Variants in SPAG1 observed in about 807,000 individuals in gnomAD.
SPAG1 encodes sperm-associated antigen 1.
Under a neutral mutation model 100.5 loss-of-function variants are expected in SPAG1, and 69 were observed. That is an observed-to-expected ratio of 0.69 (90% CI 0.57 to 0.84). The LOEUF (loss-of-function observed/expected upper bound fraction) is 0.84. SPAG1 is among the 40% of genes least tolerant of loss of function. The probability of loss-of-function intolerance (pLI) is 0.00; values close to 1 mark genes in which losing one functional copy is unlikely to be tolerated. For missense variants in SPAG1, 955 were observed against 1,133.1 expected (o/e 0.84, Z 2.26); for synonymous variants, 336 against 411.6 (o/e 0.82, Z 2.22).
At chr8:100,168,559 AT>A (rs552968507) in intron 3 of SPAG1, among the ~76,000 whole-genome samples, 2,777 of 136,658 alleles carry the variant, frequency 0.02, 66 homozygotes, top group East Asian at 0.1. Flanking sequence ...ACACCTGGCT[AT>A]TTTTTTTTTT....
At position 100,213,013 on chromosome 8, in the gene SPAG1, C is replaced by CCCGTGGCCT. The variant is rs1554658872; in HGVS notation, c.1097-74_1097-73insTGGCCTCCG. ...GAGCCCGCCCTCCGCGTCCTGCACC[C>CCCGTGGCCT]CCGCGGCCTCCGCGGCCTCCGCGGC... is the stretch of plus-strand genomic sequence containing the variant. On this transcript the variant is annotated intron_variant, in intron 10 of 18. Coordinates refer to ENST00000388798, the MANE Select transcript of SPAG1 (RefSeq NM_003114.5). The CCCGTGGCCT allele has an allele frequency of 4.7e-6, 5 of 1,056,070 alleles. No individual in the cohort carries two copies. The African/African-American group carries it at 6.9e-5, about 15-fold the overall frequency. 65.4% of individuals were successfully genotyped at this position (1,056,070 alleles called of 1,614,324 possible).
At chr8:100,235,039 T>A (rs527980119) in intron 16 of SPAG1, among the ~76,000 whole-genome samples, 3 of 152,188 alleles carry the variant, frequency 2.0e-5, no homozygotes, top group African/African-American at 4.8e-5. Context: ...GTGGCTGCTA[T>A]AACAAAGCGC....
intron 15 of SPAG1, among the ~76,000 whole-genome samples, chr8:100,232,215 C>A (rs896468069): frequency 6.6e-6 from 1 of 152,120 alleles, no homozygotes; most frequent in Admixed American, 6.5e-5. Flanking sequence ...ATTGGTCACT[C>A]AGTTTTCTGT....
intron 3 of SPAG1, among the ~76,000 whole-genome samples, chr8:100,174,664 A>G (rs1421978914): frequency 6.6e-6 from 1 of 152,204 alleles, no homozygotes; most frequent in South Asian, 2.1e-4. Context: ...GTGTAATCGG[A>G]GCCCTTCTGC....
rs1302900270 is a variant in SPAG1, at chr8:100,239,428, A to G, written c.2280+24A>G. Reference sequence around the variant, plus strand: ...AGGTATTTGTATTTGATTATCTTTGAAAGTACTCCTTTGGGGACCTTAGAC... The same window carrying G: ...AGGTATTTGTATTTGATTATCTTTGGAAGTACTCCTTTGGGGACCTTAGAC... On this transcript the variant is annotated intron_variant, in intron 17 of 18. Coordinates refer to ENST00000388798, the MANE Select transcript of SPAG1 (RefSeq NM_003114.5). This position sits in a 1 kb window ranked among gnomAD's most constrained non-coding sequence, Gnocchi z 5.0. 1 of 1,454,894 alleles carries G rather than the reference A, an allele frequency of 6.9e-7. No homozygotes were observed. 90.1% of individuals were successfully genotyped at this position (1,454,894 alleles called of 1,614,324 possible).
At chr8:100,212,938 CGGCAGCACAGG>C (rs1817778731) in intron 10 of SPAG1, 141 bp from the exon 11 acceptor site, 1 of 559,246 alleles carries the variant, frequency 1.8e-6, no homozygotes, top group African/African-American at 2.0e-5. Flanking sequence ...TCTAGAGGTC[CGGCAGCACAGG>C]CTCCGCCCGC....
At chr8:100,192,414 T>A (rs1381379178) in intron 9 of SPAG1, among the ~76,000 whole-genome samples, 3 of 152,226 alleles carry the variant, frequency 2.0e-5, no homozygotes, top group African/African-American at 7.2e-5. Flanking sequence ...TCACCTTTAT[T>A]ACACTGGAGA....
chr8:100,230,689 T>C (rs1035282929), intron 14 of SPAG1, among the ~76,000 whole-genome samples: 3 of 152,186 alleles, frequency 2.0e-5, no homozygotes, highest in Non-Finnish European at 2.9e-5. Flanking sequence ...AACGGCATGA[T>C]CTTGGCTCAC....
At chr8:100,224,037 T>C (rs1586529860) in intron 13 of SPAG1, among the ~76,000 whole-genome samples, 1 of 152,326 alleles carries the variant, frequency 6.6e-6, no homozygotes, top group East Asian at 1.9e-4. Flanking sequence ...AATTCAGTCT[T>C]AGGAAGCAGT....
At chr8:100,179,332 GA>G (rs1816267428) in intron 4 of SPAG1, among the ~76,000 whole-genome samples, 1 of 152,142 alleles carries the variant, frequency 6.6e-6, no homozygotes, top group Non-Finnish European at 1.5e-5. Flanking sequence ...GCAGTGAGCT[GA>G]GATCACACCA....
At chr8:100,205,542 G>A (rs1817469546) in intron 10 of SPAG1, among the ~76,000 whole-genome samples, 2 of 152,134 alleles carry the variant, frequency 1.3e-5, no homozygotes, top group Admixed American at 6.5e-5. Context: ...GACATACTTA[G>A]CAGCTGGCAG....
In SPAG1 at chr8:100,165,912, C is replaced by T. The variant is rs144464217; in HGVS notation, c.239C>T (p.Pro80Leu). 25 of 1,614,002 alleles carry T rather than the reference C, an allele frequency of 1.5e-5. No individual in the cohort carries two copies. In the African/African-American group the frequency reaches 1.9e-4, roughly 12 times the overall value. The change falls in exon 3 of 19, where the codon CCA becomes CTA. Residue 80 changes from proline to leucine, a missense_variant. Physicochemically the swap from Pro to Leu is moderately conservative, Grantham distance 98. Coordinates refer to ENST00000388798, the MANE Select transcript of SPAG1 (RefSeq NM_003114.5). Reference sequence around the variant, plus strand: ...AGCAGAGCTTTGAGGAAAGATAAACCAGCAGCAACAGCAGCCAGTTTTACA... The same window carrying T: ...AGCAGAGCTTTGAGGAAAGATAAACTAGCAGCAACAGCAGCCAGTTTTACA... ...PESRALRKDK[P>L]AATAASFTAE...
chr8:100,207,858 T>C (rs576585473), intron 10 of SPAG1, among the ~76,000 whole-genome samples: 6 of 152,216 alleles, frequency 3.9e-5, no homozygotes, highest in Admixed American at 6.5e-5. Flanking sequence ...GCTGAATTGA[T>C]AGAATGGTAG....
chr8:100,203,332 T>C (rs1817370117), intron 10 of SPAG1, among the ~76,000 whole-genome samples: 1 of 152,168 alleles, frequency 6.6e-6, no homozygotes, highest in Admixed American at 6.5e-5. Flanking sequence ...TAAGCTTATA[T>C]ATATATATAT....
rs1166081612 is a variant in SPAG1 at position 100,213,111 on chromosome 8, C to CCGCG, written c.1124_1127dup (p.Ala377ArgfsTer106). The CCGCG allele has an allele frequency of 6.8e-7, 1 of 1,481,168 alleles. No homozygotes were observed. The highest frequency in any genetic ancestry group is 1.5e-5 in the African/African-American group (1 of 68,174). The allele number at this position is 1,481,168 out of a possible 1,614,324, so 91.8% of individuals were successfully genotyped here. ...ACAGAGCCCGCGGAGCCGGCGGGAG[C>CCGCG]CGCGCGCGCCGCCCAGCCGTGCGTC... On this transcript the variant is annotated frameshift_variant, in exon 11 of 19. Transcript: ENST00000388798. LOFTEE classifies it high-confidence loss of function.
intron 10 of SPAG1, among the ~76,000 whole-genome samples, chr8:100,210,131 G>C (rs1187079635): frequency 4.0e-5 from 6 of 150,016 alleles, no homozygotes; most frequent in Non-Finnish European, 5.9e-5. Context: ...TTGGCTCTGG[G>C]TTTTTCATAA....
Position 100,230,786 on chromosome 8 carries a change from G to C in SPAG1, c.1856-370G>C, listed in dbSNP as rs113641663. ...TTACAGGCATGTGCCACTACGCCCA[G>C]CTAATTTTATATTTTTAGTTAAGAT... On this transcript the variant is annotated intron_variant, in intron 14 of 18. Coordinates refer to ENST00000388798, the MANE Select transcript of SPAG1 (RefSeq NM_003114.5). Among the ~76,000 whole-genome samples the C allele has an allele frequency of 1.6e-4, 25 of 152,040 alleles. 1 individual carries two copies. Among genetic ancestry groups the C allele is most frequent in the African/African-American group, 5.8e-4 (24 of 41,482 alleles).
At chr8:100,194,488 A>C (rs1816946982) in intron 10 of SPAG1, 2 of 621,626 alleles carry the variant, frequency 3.2e-6, no homozygotes, top group Middle Eastern at 4.3e-4. Flanking sequence ...TCTAGTGCTC[A>C]GTTTAATTCC....
chr8:100,195,017 T>C (rs1270028788), intron 10 of SPAG1, among the ~76,000 whole-genome samples: 2 of 151,878 alleles, frequency 1.3e-5, no homozygotes, highest in African/African-American at 2.4e-5. Context: ...ATACAAAAAT[T>C]AGCTGGGTGT....
Sources: allele counts gnomAD v4.1 joint callset (sites outside exome capture counted in the v4.1 genomes callset), GRCh38; gene constraint gnomAD v4.1.1; non-coding constraint Gnocchi (gnomAD v3.1); transcripts MANE v1.5; gene names NCBI Gene and HGNC (gene_info 2026-07-23, HGNC 2026-07-21).